RIMS1: variants seen among roughly 807,000 people sequenced by gnomAD.
RIMS1 encodes the protein regulating synaptic membrane exocytosis protein 1.
RIMS1 carries 83 observed loss-of-function variants against 214.1 expected under a neutral mutation model. That is an observed-to-expected ratio of 0.39 (90% CI 0.32 to 0.47). The LOEUF (loss-of-function observed/expected upper bound fraction) is 0.47. RIMS1 is among the 20% of genes least tolerant of loss of function. The pLI is 0.99. For synonymous variants in RIMS1, 793 were observed against 786.8 expected, an observed-to-expected ratio of 1.01 and a Z score of -0.13; for missense variants, 2,050 against 2,161.8, an observed-to-expected ratio of 0.95 and a Z score of 1.03.
chr6:72,129,368 A>G (rs1433131310), intron 4 of RIMS1, among the ~76,000 whole-genome samples: 1 of 152,148 alleles, frequency 6.6e-6, no homozygotes, highest in Non-Finnish European at 1.5e-5. Flanking sequence ...GTTTAGGATG[A>G]TGAGATTAGT....
chr6:71,946,691 C>A (rs921906398), intron 1 of RIMS1, among the ~76,000 whole-genome samples: 1 of 151,930 alleles, frequency 6.6e-6, no homozygotes, highest in African/African-American at 2.4e-5. Context: ...ACAAGAAAAA[C>A]TTAGAGGAAA....
At chr6:72,236,180 T>C (rs1023669500) in intron 8 of RIMS1, among the ~76,000 whole-genome samples, 3 of 152,180 alleles carry the variant, frequency 2.0e-5, no homozygotes, top group Non-Finnish European at 4.4e-5. Context: ...ATCTCAACTT[T>C]TGGTGATATT....
intron 29 of RIMS1, among the ~76,000 whole-genome samples, chr6:72,380,076 G>A (rs2098459235): frequency 6.6e-6 from 1 of 152,266 alleles, no homozygotes; most frequent in Admixed American, 6.5e-5. Context: ...CATATAAAAG[G>A]ATGAGTTCAT....
intron 1 of RIMS1, among the ~76,000 whole-genome samples, chr6:71,919,814 G>A (rs1048973175): frequency 6.6e-6 from 1 of 152,134 alleles, no homozygotes; most frequent in African/African-American, 2.4e-5. Context: ...CTGTTCAATG[G>A]TATCAGAAAA....
In RIMS1 at chr6:72,233,709, G is replaced by A. The variant is rs866475992; in HGVS notation, c.1679-64G>A. On this transcript the variant is annotated intron_variant, in intron 6 of 33. Transcript: ENST00000521978. ...ACTCTTTATAGATCGAAGAAGTAAAGCTTAAAGTGATACACTCTTCTCTTT... is the reference window on the plus strand; with the variant it reads ...ACTCTTTATAGATCGAAGAAGTAAAACTTAAAGTGATACACTCTTCTCTTT... The A allele has an allele frequency of 4.1e-5, 49 of 1,197,854 alleles. No homozygotes were observed. The South Asian group carries it at 5.6e-4, about 14-fold the overall frequency. 74.2% of individuals were successfully genotyped at this position (1,197,854 alleles called of 1,614,324 possible). A position where few individuals can be genotyped will look rare whatever the true frequency, so the allele number is the denominator to read the frequency against.
intron 1 of RIMS1, among the ~76,000 whole-genome samples, chr6:71,924,807 C>CAAA (rs10652071): frequency 0.025 from 1,524 of 60,166 alleles, 13 homozygotes; most frequent in East Asian, 0.034. Context: ...ACCCTGTCTC[C>CAAA]AAAAAAAAAA....
intron 24 of RIMS1, among the ~76,000 whole-genome samples, chr6:72,285,747 A>G (rs1195100788): frequency 6.6e-6 from 1 of 152,184 alleles, no homozygotes; most frequent in Non-Finnish European, 1.5e-5. Context: ...CTTTACCATC[A>G]TTGTAAATAA....
chr6:72,352,648 C>T (rs1049384595), intron 29 of RIMS1, among the ~76,000 whole-genome samples: 1 of 152,134 alleles, frequency 6.6e-6, no homozygotes, highest in African/African-American at 2.4e-5. Flanking sequence ...GGTTCAGGTG[C>T]CCAGGTTCTT....
chr6:72,153,926 G>A (rs2044080589), intron 4 of RIMS1, among the ~76,000 whole-genome samples: 1 of 152,104 alleles, frequency 6.6e-6, no homozygotes, highest in South Asian at 2.1e-4. Context: ...TGAAAAAATA[G>A]AACTTCTTTG....
At chr6:72,138,090 G>A (rs1009967693) in intron 4 of RIMS1, among the ~76,000 whole-genome samples, 8 of 151,970 alleles carry the variant, frequency 5.3e-5, no homozygotes, top group Non-Finnish European at 1.0e-4. Context: ...GTGTGTGTGT[G>A]TATGTATATG....
intron 23 of RIMS1, among the ~76,000 whole-genome samples, chr6:72,281,408 T>A (rs2090051602): frequency 6.6e-6 from 1 of 152,116 alleles, no homozygotes; most frequent in East Asian, 1.9e-4. Flanking sequence ...TCCATTACAT[T>A]TTAGGAGATG....
chr6:72,167,634 C>T (rs1001014823), intron 4 of RIMS1, among the ~76,000 whole-genome samples: 2 of 152,010 alleles, frequency 1.3e-5, no homozygotes, highest in East Asian at 1.9e-4. Context: ...AAGGACTATT[C>T]GGGTTTTCAG....
intron 23 of RIMS1, among the ~76,000 whole-genome samples, chr6:72,279,166 T>C (rs527404629): frequency 6.6e-6 from 1 of 152,152 alleles, no homozygotes; most frequent in Admixed American, 6.5e-5. Flanking sequence ...TTTAGAGAGT[T>C]ACCCTAACTG....
At chr6:72,128,741 AGTATCTT>A (rs1400961664) in intron 4 of RIMS1, among the ~76,000 whole-genome samples, 1 of 152,236 alleles carries the variant, frequency 6.6e-6, no homozygotes, top group African/African-American at 2.4e-5. Context: ...AACACAGATT[AGTATCTT>A]AAATTACTTT....
At chr6:72,014,005 G>GT (rs943423295) in intron 2 of RIMS1, among the ~76,000 whole-genome samples, 1 of 152,150 alleles carries the variant, frequency 6.6e-6, no homozygotes, top group African/African-American at 2.4e-5. Flanking sequence ...TGACTGACTT[G>GT]TTTTCACTTA....
At chr6:72,319,940 G>T (rs1375611701) in intron 28 of RIMS1, among the ~76,000 whole-genome samples, 1 of 152,028 alleles carries the variant, frequency 6.6e-6, no homozygotes, top group Non-Finnish European at 1.5e-5. Context: ...ATAGCATTTT[G>T]CTTTATAACT....
At chr6:72,372,499 C>T (rs1329202424) in intron 29 of RIMS1, among the ~76,000 whole-genome samples, 1 of 152,052 alleles carries the variant, frequency 6.6e-6, no homozygotes. Flanking sequence ...TGATTTAGAA[C>T]TTGACTGCTT....
Position 72,401,937 on chromosome 6 carries a change from T to G in RIMS1, c.*1223T>G, listed in dbSNP as rs1250228182. 4 of 152,656 alleles carry G rather than the reference T, an allele frequency of 2.6e-5. No individual in the cohort carries two copies. In the South Asian group the frequency reaches 6.2e-4, roughly 24 times the overall value. 9.5% of individuals were successfully genotyped at this position (152,656 alleles called of 1,614,324 possible). On this transcript the variant is annotated 3_prime_UTR_variant, in exon 34 of 34. Transcript: ENST00000521978. Reference sequence around the variant, plus strand: ...TTTTAATGCAAAGTATCTTACTTTTTGGGGGGAAAATAAACAAAATGAACT... The same window carrying G: ...TTTTAATGCAAAGTATCTTACTTTTGGGGGGGAAAATAAACAAAATGAACT...
chr6:72,301,830 C>G (rs1592594911), intron 26 of RIMS1, among the ~76,000 whole-genome samples: 1 of 151,470 alleles, frequency 6.6e-6, no homozygotes, highest in East Asian at 1.9e-4. Flanking sequence ...TGGAATCAAT[C>G]CTGAACAGAT....
Sources: gnomAD v4.1 joint callset for allele counts (sites outside exome capture counted in the v4.1 genomes callset) on GRCh38, gnomAD v4.1.1 for gene constraint, MANE v1.5 for transcripts, NCBI Gene and HGNC (gene_info 2026-07-23, HGNC 2026-07-21) for gene names.